ABCC1: variants seen among roughly 807,000 people sequenced by gnomAD.
The protein encoded by ABCC1 is ATP binding cassette subfamily C member 1 (ABCC1 blood group).
ABCC1 carries 83 observed loss-of-function variants against 172.9 expected under a neutral mutation model. The ratio of observed to expected loss-of-function variants is 0.48; its 90% CI spans 0.40 to 0.58. The LOEUF is 0.58. ABCC1 is among the 20% of genes least tolerant of loss of function. The probability of loss-of-function intolerance (pLI) is 0.00; values close to 1 mark genes in which losing one functional copy is unlikely to be tolerated. For synonymous variants in ABCC1, 937 were observed against 825.2 expected, an observed-to-expected ratio of 1.14 and a Z score of -2.32; for missense variants, 1,817 against 2,002.7, an observed-to-expected ratio of 0.91 and a Z score of 1.77.
intron 12 of ABCC1, 186 bp downstream of exon 12, chr16:16,056,481 A>T: frequency 1.6e-6 from 1 of 629,630 alleles, no homozygotes; most frequent in Non-Finnish European, 2.7e-6. Flanking sequence ...AGCCTGGCCA[A>T]CATGGTGAAA....
At chr16:16,007,674 G>T in intron 1 of ABCC1, 142 bp from the exon 2 acceptor site, 1 of 671,440 alleles carries the variant, frequency 1.5e-6, no homozygotes, top group Non-Finnish European at 2.4e-6. Context: ...TTTAGTTTGC[G>T]TGTTCATCCT....
chr16:15,956,308 T>C (rs893730189), intron 1 of ABCC1, among the ~76,000 whole-genome samples: 2 of 151,370 alleles, frequency 1.3e-5, no homozygotes, highest in Non-Finnish European at 2.9e-5. Flanking sequence ...GACACTGCAG[T>C]GAGCCGAGAT....
intron 23 of ABCC1, among the ~76,000 whole-genome samples, chr16:16,117,313 A>G (rs1414165673): frequency 1.1e-4 from 16 of 152,218 alleles, no homozygotes; most frequent in African/African-American, 2.6e-4. Context: ...CCCTTATAAA[A>G]CCATCAGATC....
intron 1 of ABCC1, among the ~76,000 whole-genome samples, chr16:16,005,132 C>T (rs1442623066): frequency 2.0e-5 from 3 of 146,928 alleles, no homozygotes; most frequent in Non-Finnish European, 4.5e-5. Context: ...GGTTCCTTGA[C>T]ACTCCATGGG....
At chr16:16,008,115 CAGAAGAATAATGTGGG>C in intron 2 of ABCC1, 123 bp downstream of exon 2, 2 of 1,007,480 alleles carry the variant, frequency 2.0e-6, no homozygotes, top group Non-Finnish European at 1.4e-6. Flanking sequence ...TTCTAGAAGG[CAGAAGAATAATGTGGG>C]AGGTGAAAAC....
At chr16:16,024,945 TAGG>T (rs1420417368) in intron 5 of ABCC1, among the ~76,000 whole-genome samples, 3 of 151,848 alleles carry the variant, frequency 2.0e-5, no homozygotes, top group African/African-American at 7.3e-5. Flanking sequence ...TTGGGAGGCT[TAGG>T]GGGGAAGATT....
intron 7 of ABCC1, among the ~76,000 whole-genome samples, chr16:16,037,506 TAAAC>T (rs1253840143): frequency 6.6e-6 from 1 of 152,182 alleles, no homozygotes; most frequent in Non-Finnish European, 1.5e-5. Context: ...AGCTGCCAAT[TAAAC>T]AAGGACATAA....
In ABCC1 at chr16:16,045,890, C is replaced by T. The variant is rs776470140; in HGVS notation, c.1095C>T (p.Phe365=). The T allele has an allele frequency of 3.7e-6, 6 of 1,614,044 alleles. No individual in the cohort carries two copies. In the South Asian group the frequency reaches 4.4e-5, roughly 12 times the overall value. The change falls in exon 9 of 31, where the codon TTC becomes TTT. Residue 365 remains phenylalanine (F), a synonymous_variant. Transcript: ENST00000399410. ...AGGCCCCAGACTGGCAGGGCTACTT[C>T]TACACCGTGCTGCTGTTTGTCACTG... The part of the protein sequence containing the change: ...DTKAPDWQGY[F]YTVLLFVTAC...
chr16:16,066,081 A>G (rs1311798117), intron 12 of ABCC1, among the ~76,000 whole-genome samples: 1 of 152,108 alleles, frequency 6.6e-6, no homozygotes, highest in Admixed American at 6.6e-5. Context: ...CAAATCTTCC[A>G]TTCCATTCCA....
intron 10 of ABCC1, among the ~76,000 whole-genome samples, chr16:16,051,202 C>T: frequency 6.6e-6 from 1 of 151,626 alleles, no homozygotes; most frequent in Non-Finnish European, 1.5e-5. Flanking sequence ...CAGAGTCTTG[C>T]TCTGTTGCCC....
intron 6 of ABCC1, among the ~76,000 whole-genome samples, chr16:16,034,142 C>T (rs2151835961): frequency 6.7e-6 from 1 of 149,524 alleles, no homozygotes; most frequent in East Asian, 2.0e-4. Context: ...ATGCTCCTGC[C>T]TCAGCCTCCT....
In ABCC1 at chr16:16,045,868, C is replaced by T. The variant is rs778909281; in HGVS notation, c.1073C>T (p.Ala358Val). The T allele has an allele frequency of 1.2e-6, 2 of 1,614,182 alleles. No homozygotes were observed. The highest frequency in any genetic ancestry group is 1.7e-6 in the Non-Finnish European group (2 of 1,180,018). Residue 358 changes from alanine (A) to valine (V), a missense_variant, in exon 9 of 31, where the codon GCC becomes GTC. Transcript: ENST00000399410. The stretch of plus-strand genomic sequence containing the variant: ...ATCAAGTTCGTGAATGACACGAAGG[C>T]CCCAGACTGGCAGGGCTACTTCTAC... The part of the protein sequence containing the change: ...LLIKFVNDTK[A>V]PDWQGYFYTV...
At chr16:16,039,210 TGTG>T (rs2151855408) in intron 7 of ABCC1, among the ~76,000 whole-genome samples, 1 of 68,928 alleles carries the variant, frequency 1.5e-5, no homozygotes, top group South Asian at 2.9e-4. Flanking sequence ...AGGAAGCTTT[TGTG>T]TGTGTGTGTG....
At chr16:16,060,574 G>A (rs1408515207) in intron 12 of ABCC1, among the ~76,000 whole-genome samples, 1 of 152,082 alleles carries the variant, frequency 6.6e-6, no homozygotes, top group Non-Finnish European at 1.5e-5. Context: ...CCAGGCTGAA[G>A]TGCAGTGGTG....
At chr16:16,047,179 C>T (rs1376422557) in intron 9 of ABCC1, among the ~76,000 whole-genome samples, 1 of 152,098 alleles carries the variant, frequency 6.6e-6, no homozygotes, top group Non-Finnish European at 1.5e-5. Flanking sequence ...GCCTGTGTGA[C>T]AGAATGAGAC....
intron 13 of ABCC1, among the ~76,000 whole-genome samples, chr16:16,069,850 C>A (rs918634585): frequency 6.6e-6 from 1 of 152,122 alleles, no homozygotes; most frequent in South Asian, 2.1e-4. Context: ...ATGGGGAAAC[C>A]TTGTCTCTAC....
At chr16:16,022,781 C>G (rs555336113) in intron 5 of ABCC1, among the ~76,000 whole-genome samples, 1 of 152,232 alleles carries the variant, frequency 6.6e-6, no homozygotes, top group South Asian at 2.1e-4. Context: ...ACAGAAAAGT[C>G]GAAAGAATTC....
At chr16:16,121,309 G>A (rs572527533) in intron 23 of ABCC1, among the ~76,000 whole-genome samples, 6 of 152,172 alleles carry the variant, frequency 3.9e-5, no homozygotes, top group South Asian at 2.1e-4. Flanking sequence ...CCTGAAGTGC[G>A]GGTATTACAA....
chr16:16,118,585 C>T (rs747055853), intron 23 of ABCC1, among the ~76,000 whole-genome samples: 9 of 151,694 alleles, frequency 5.9e-5, no homozygotes, highest in African/African-American at 1.2e-4. Flanking sequence ...TTGGGTACAC[C>T]GTGGAGCAAT....
Sources: allele counts gnomAD v4.1 joint callset (sites outside exome capture counted in the v4.1 genomes callset), GRCh38; gene constraint gnomAD v4.1.1; transcripts MANE v1.5; gene names NCBI Gene and HGNC (gene_info 2026-07-23, HGNC 2026-07-21).